PAPLN: variants seen among roughly 807,000 people sequenced by gnomAD.
The protein encoded by PAPLN is papilin, proteoglycan like sulfated glycoprotein.
PAPLN carries 146 observed loss-of-function variants against 159.0 expected under a neutral mutation model. That is an observed-to-expected ratio of 0.92 (90% CI 0.80 to 1.05). The LOEUF (loss-of-function observed/expected upper bound fraction) is 1.05. Among genes scored for constraint, PAPLN ranks in the 50% least tolerant of loss-of-function variants. The pLI, the probability that PAPLN is intolerant of heterozygous loss-of-function variation, is 0.00. For missense variants in PAPLN, 1,720 were observed against 1,743.9 expected, an observed-to-expected ratio of 0.99 and a Z score of 0.24; for synonymous variants, 734 against 702.9, an observed-to-expected ratio of 1.04 and a Z score of -0.70.
At position 73,272,946 on chromosome 14, in the gene PAPLN, C is replaced by T. The variant is rs1221589800; in HGVS notation, c.*282C>T. 2 of 291,642 alleles carry T rather than the reference C, an allele frequency of 6.9e-6. No homozygotes were observed. The highest frequency in any genetic ancestry group is 1.3e-5 in the Non-Finnish European group (2 of 159,048). The allele number at this position is 291,642 out of a possible 1,614,324, so 18.1% of individuals were successfully genotyped here. On this transcript the variant is annotated 3_prime_UTR_variant, in exon 27 of 27. Transcript: ENST00000644200. ...GAAAAACCTTTACTTTACAGCTTCC[C>T]TTTATAATTTGTTACACAGGAATAG...
upstream of PAPLN, among the ~76,000 whole-genome samples, chr14:73,236,500 C>T (rs545058846): frequency 1.6e-3 from 248 of 152,128 alleles, no homozygotes; most frequent in African/African-American, 5.5e-3. Context: ...CCAGGTTGGG[C>T]GAGACCTTGT....
At chr14:73,266,359 C>T in intron 23 of PAPLN, 142 bp from the exon 24 acceptor site, 1 of 1,073,224 alleles carries the variant, frequency 9.3e-7, no homozygotes, top group Non-Finnish European at 1.3e-6. Flanking sequence ...TCAGACCCCA[C>T]CAAACACTAG....
chr14:73,245,984 T>C lies in PAPLN; in HGVS notation c.232-89T>C, dbSNP rs570087860. ...CTCCGATGGGGCAGGCAAGGGAGACTCCTGGGCTCCCTGGGCTCGGGCGGG... is the reference window on the plus strand; with the variant it reads ...CTCCGATGGGGCAGGCAAGGGAGACCCCTGGGCTCCCTGGGCTCGGGCGGG... On this transcript the variant is annotated intron_variant, in intron 4 of 26. Coordinates refer to ENST00000644200, the MANE Select transcript of PAPLN (RefSeq NM_001365906.3). The surrounding 1 kb of genome is among the most constrained non-coding windows in gnomAD (Gnocchi z 4.2). 3.4e-5 allele frequency: 44 copies of C among 1,313,042 alleles called. No homozygotes were observed. In the East Asian group the frequency reaches 1.1e-3, roughly 32 times the overall value. The allele number at this position is 1,313,042 out of a possible 1,614,324, so 81.3% of individuals were successfully genotyped here.
rs763720625 is a variant in PAPLN at position 73,246,109 on chromosome 14, C to T, written c.268C>T (p.Gln90Ter). 2 of 1,588,372 alleles carry T rather than the reference C, an allele frequency of 1.3e-6. No homozygotes were observed. The highest frequency in any genetic ancestry group is 1.1e-5 in the South Asian group (1 of 88,516). The change falls in exon 5 of 27, where the codon CAG becomes TAG. Residue 90 changes from glutamine (Q) to a stop codon, truncating the protein, a stop_gained. Transcript: ENST00000644200. LOFTEE classifies it high-confidence loss of function. The stretch of plus-strand genomic sequence containing the variant: ...CGGCGCCCGGGACTTCCGGGCCGAG[C>T]AGTGCGCGGAGTTCGACGGAGCGGA... Reference protein sequence around the residue: ...PDGARDFRAEQCAEFDGAEFQ... With the variant: ...PDGARDFRAE
chr14:73,254,645 G>A lies in PAPLN; in HGVS notation c.1435G>A (p.Asp479Asn), dbSNP rs370336907. ...PPLTEPCVHE[D>N]CPLLSDQAWH... is the part of the protein sequence containing the mutation. ...TCTGACTGAGCCCTGTGTGCATGAG[G>A]ACTGCCCCCTCCTCAGTGACCAGGC... The change falls in exon 13 of 27, where the codon GAC becomes AAC. Residue 479 changes from aspartate to asparagine, a missense_variant. Coordinates refer to ENST00000644200, the MANE Select transcript of PAPLN (RefSeq NM_001365906.3). 2.9e-5 allele frequency: 47 copies of A among 1,613,898 alleles called. No homozygotes were observed. Among genetic ancestry groups the A allele is most frequent in the Non-Finnish European group, 3.9e-5 (46 of 1,179,930 alleles).
chr14:73,262,971 G>A, intron 19 of PAPLN, 144 bp downstream of exon 19: 1 of 714,008 alleles, frequency 1.4e-6, no homozygotes, highest in Non-Finnish European at 2.1e-6. Context: ...GGTGGGCCTT[G>A]TTGCCATCAT....
chr14:73,268,033 C>T (rs750661487), intron 25 of PAPLN, among the ~76,000 whole-genome samples: 21 of 152,074 alleles, frequency 1.4e-4, no homozygotes, highest in Non-Finnish European at 2.5e-4. Context: ...CTCTCCCTAA[C>T]TCCACTGGAC....
chr14:73,246,034 T>C, intron 4 of PAPLN, 39 bp from the exon 5 acceptor site: 1 of 1,503,864 alleles, frequency 6.6e-7, no homozygotes, highest in Admixed American at 2.2e-5. Flanking sequence ...GACCTCGGAC[T>C]CCGCCCTCCT....
Position 73,266,483 on chromosome 14 carries a change from G to C in PAPLN, c.3264-18G>C. On this transcript the variant is annotated intron_variant, in intron 23 of 26. Transcript: ENST00000644200. ...AGGCTCCTTGGGCTGGAGCCAACTG[G>C]CTGTACTTGGTCCCCAGACACCAGC... is the stretch of plus-strand genomic sequence containing the variant. 1 of 1,613,212 alleles carries C rather than the reference G, an allele frequency of 6.2e-7. No homozygotes were observed. The highest frequency in any genetic ancestry group is 8.5e-7 in the Non-Finnish European group (1 of 1,179,630).
intron 6 of PAPLN, among the ~76,000 whole-genome samples, chr14:73,250,395 A>G (rs1413049113): frequency 6.6e-6 from 1 of 152,200 alleles, no homozygotes; most frequent in Non-Finnish European, 1.5e-5. Context: ...AACAGCAGGG[A>G]CAGCCGCAGG....
At chr14:73,247,797 CGTGTGT>C (rs869273897) in intron 5 of PAPLN, among the ~76,000 whole-genome samples, 2 of 32,498 alleles carry the variant, frequency 6.2e-5, no homozygotes, top group Non-Finnish European at 1.0e-4. Flanking sequence ...TCTCTTATCC[CGTGTGT>C]GTGTGTGTGT....
intron 19 of PAPLN, 101 bp from the exon 20 acceptor site, chr14:73,263,544 C>T (rs1594822984): frequency 2.7e-6 from 4 of 1,503,824 alleles, no homozygotes; most frequent in Non-Finnish European, 3.6e-6. Context: ...GTGCCTGTGA[C>T]AGGATGGGCC....
In PAPLN at chr14:73,252,147, G is replaced by T. The variant is rs1424067821; in HGVS notation, c.967+6G>T. The T allele has an allele frequency of 1.9e-6, 3 of 1,592,206 alleles. No homozygotes were observed. Among genetic ancestry groups the T allele is most frequent in the South Asian group, 1.1e-5 (1 of 88,174 alleles). ...CAGCGCGGAGTGTGGCGGAGGTGCG[G>T]GCGTGGATGGCCCAGGGGAGGGCAT... On this transcript the variant is annotated splice_donor_region_variant and intron_variant, in intron 10 of 26. Coordinates refer to ENST00000644200, the MANE Select transcript of PAPLN (RefSeq NM_001365906.3).
intron 26 of PAPLN, among the ~76,000 whole-genome samples, chr14:73,270,193 C>T (rs528081889): frequency 1.3e-5 from 2 of 152,354 alleles, no homozygotes; most frequent in South Asian, 4.1e-4. Flanking sequence ...TCTCGCTCCG[C>T]CCACTTGGCC....
chr14:73,260,759 C>T lies in PAPLN; in HGVS notation c.2036C>T (p.Ala679Val). ...TCTGTCGCTGAGGGGCCCCATCACG[C>T]TGGCTGCACAAAGTCGTATGGTGGT... ...RVSVAEGPHH[A>V]GCTKSYGGDS... is the part of the protein sequence containing the mutation. The change falls in exon 17 of 27, where the codon GCT becomes GTT. Residue 679 changes from alanine (A) to valine (V), a missense_variant. Coordinates refer to ENST00000644200, the MANE Select transcript of PAPLN (RefSeq NM_001365906.3). The T allele has an allele frequency of 6.8e-7, 1 of 1,478,378 alleles. No individual in the cohort carries two copies. Among genetic ancestry groups the T allele is most frequent in the South Asian group, 1.5e-5 (1 of 68,142 alleles). 91.6% of individuals were successfully genotyped at this position (1,478,378 alleles called of 1,614,324 possible). A position where few individuals can be genotyped will look rare whatever the true frequency, so the allele number is the denominator to read the frequency against.
chr14:73,253,690 C>G (rs1010942328), intron 11 of PAPLN, 64 bp from the exon 12 acceptor site: 3 of 1,465,838 alleles, frequency 2.0e-6, no homozygotes. Context: ...AGGGCAGAAA[C>G]CCTCAGGGCT....
At chr14:73,236,875 AAGGG>A (rs1273780332), upstream of PAPLN, among the ~76,000 whole-genome samples, 2 of 143,006 alleles carry the variant, frequency 1.4e-5, no homozygotes, top group Non-Finnish European at 3.0e-5. Context: ...AAGAGGAAGA[AAGGG>A]AGGGAGGAAA....
At chr14:73,264,396 T>TGG (rs1260416177) in intron 21 of PAPLN, 61 bp downstream of exon 21, 1 of 1,575,316 alleles carries the variant, frequency 6.3e-7, no homozygotes, top group African/African-American at 1.3e-5. Context: ...AAGGCCAGGA[T>TGG]GGGGAGCCTG....
intron 16 of PAPLN, 150 bp downstream of exon 16, chr14:73,259,695 C>G: frequency 9.0e-7 from 1 of 1,113,784 alleles, no homozygotes; most frequent in Non-Finnish European, 1.2e-6. Flanking sequence ...CTGGGCTGCC[C>G]TGAGCATGAG....
Sources: allele counts gnomAD v4.1 joint callset (sites outside exome capture counted in the v4.1 genomes callset), GRCh38; gene constraint gnomAD v4.1.1; non-coding constraint Gnocchi (gnomAD v3.1); transcripts MANE v1.5; gene names NCBI Gene and HGNC (gene_info 2026-07-23, HGNC 2026-07-21).